NBAS: variants seen among roughly 807,000 people sequenced by gnomAD.
The protein encoded by NBAS is NBAS subunit of NRZ tethering complex.
A neutral mutation model predicts 302.5 loss-of-function variants in NBAS; 219 were observed. That is an observed-to-expected ratio of 0.72 (90% confidence interval 0.65 to 0.81). The LOEUF (loss-of-function observed/expected upper bound fraction) is 0.81. Among genes scored for constraint, NBAS ranks in the 30% least tolerant of loss-of-function variants. The pLI is 0.00. For missense variants in NBAS, 2,932 were observed against 2,841.6 expected, an observed-to-expected ratio of 1.03 and a Z score of -0.72; for synonymous variants, 1,118 against 1,021.6, an observed-to-expected ratio of 1.09 and a Z score of -1.80.
At chr2:15,442,751 A>G (rs374019089) in intron 21 of NBAS, among the ~76,000 whole-genome samples, 1,589 of 151,260 alleles carry the variant, frequency 0.011, 21 homozygotes, top group East Asian at 0.047. Context: ...TTGATAGACC[A>G]CTAGCAAGAC....
At chr2:14,918,198 C>T in the NBAS span, among the ~76,000 whole-genome samples, 5 of 151,266 alleles carry the variant, frequency 3.3e-5, no homozygotes, top group South Asian at 8.4e-4. Context: ...ATTTCTTGTG[C>T]TTTATTTATT....
At position 15,377,061 on chromosome 2, in the gene NBAS, A is replaced by G. The variant is rs1289613571; in HGVS notation, c.3591-2341T>C. ...GGATGACAGAAAAGACAGAAATTGT[A>G]AAAGAACCACAATTTTAAAAAAATT... On this transcript the variant is annotated intron_variant, in intron 30 of 51. Coordinates refer to ENST00000281513, the MANE Select transcript of NBAS (RefSeq NM_015909.4). Among the ~76,000 whole-genome samples the G allele has an allele frequency of 3.3e-5, 5 of 152,224 alleles. No individual in the cohort carries two copies. The East Asian group carries it at 9.6e-4, about 29-fold the overall frequency.
At chr2:15,193,099 ATT>A (rs1665440263) in intron 48 of NBAS, among the ~76,000 whole-genome samples, 1 of 152,164 alleles carries the variant, frequency 6.6e-6, no homozygotes, top group African/African-American at 2.4e-5. Flanking sequence ...TTTAAAATGT[ATT>A]TGATAAATTA....
the NBAS span, among the ~76,000 whole-genome samples, chr2:14,921,886 A>G: frequency 3.9e-5 from 6 of 152,174 alleles, no homozygotes; most frequent in Admixed American, 2.6e-4. Context: ...TGTGACTGCT[A>G]AAAACATCTT....
the NBAS span, among the ~76,000 whole-genome samples, chr2:15,085,918 T>C: frequency 6.6e-6 from 1 of 151,944 alleles, no homozygotes; most frequent in Non-Finnish European, 1.5e-5. Context: ...TTCGGGCAGG[T>C]CAGTGATGGC....
the NBAS span, among the ~76,000 whole-genome samples, chr2:14,844,634 G>A: frequency 6.6e-6 from 1 of 152,162 alleles, no homozygotes; most frequent in Non-Finnish European, 1.5e-5. Flanking sequence ...GTCCTGGAAG[G>A]CATTTTGGTA....
intron 11 of NBAS, among the ~76,000 whole-genome samples, chr2:15,498,817 G>C (rs1338307809): frequency 6.6e-6 from 1 of 151,498 alleles, no homozygotes; most frequent in Non-Finnish European, 1.5e-5. Flanking sequence ...TTCAACTTCC[G>C]CCATGATTGT....
chr2:15,391,259 G>A (rs1478938940), intron 28 of NBAS, among the ~76,000 whole-genome samples: 2 of 151,960 alleles, frequency 1.3e-5, no homozygotes, highest in East Asian at 1.9e-4. Flanking sequence ...AAAAGCAAAC[G>A]ATGGTGTTAG....
At chr2:15,424,592 G>T in intron 22 of NBAS, 124 bp from the exon 23 acceptor site, 1 of 1,127,382 alleles carries the variant, frequency 8.9e-7, no homozygotes. Context: ...ACATGTATGT[G>T]GTTTGTGTAT....
chr2:15,140,838 TG>T, the NBAS span, among the ~76,000 whole-genome samples: 1 of 152,192 alleles, frequency 6.6e-6, no homozygotes, highest in African/African-American at 2.4e-5. Flanking sequence ...TAAATAGGGT[TG>T]TTTTGAGCAT....
At chr2:15,506,405 C>G (rs1286190242) in intron 10 of NBAS, among the ~76,000 whole-genome samples, 1 of 152,086 alleles carries the variant, frequency 6.6e-6, no homozygotes, top group Admixed American at 6.5e-5. Flanking sequence ...GAAAAACTGA[C>G]TAATAACATA....
chr2:15,097,922 TTA>T, the NBAS span, among the ~76,000 whole-genome samples: 3 of 117,796 alleles, frequency 2.5e-5, no homozygotes, highest in Middle Eastern at 3.7e-3. Flanking sequence ...ATATTATATA[TTA>T]TATATATTAC....
the NBAS span, among the ~76,000 whole-genome samples, chr2:15,143,127 T>C: frequency 2.0e-5 from 3 of 152,228 alleles, no homozygotes; most frequent in Non-Finnish European, 2.9e-5. Flanking sequence ...GGAAGCCTAC[T>C]GTTATCATTT....
At chr2:15,451,883 T>C (rs1392224236) in intron 21 of NBAS, among the ~76,000 whole-genome samples, 3 of 152,116 alleles carry the variant, frequency 2.0e-5, no homozygotes, top group Admixed American at 6.5e-5. Flanking sequence ...CTTCATCCTT[T>C]ACAGTTTTGC....
chr2:15,549,077 A>G (rs1664252279), intron 6 of NBAS, among the ~76,000 whole-genome samples: 1 of 152,232 alleles, frequency 6.6e-6, no homozygotes. Flanking sequence ...ACATCTCCTA[A>G]GTATTCATGA....
chr2:15,110,147 A>G, the NBAS span, among the ~76,000 whole-genome samples: 7 of 152,132 alleles, frequency 4.6e-5, no homozygotes, highest in Non-Finnish European at 1.0e-4. Flanking sequence ...AAGGGCTACA[A>G]AGATGAATAC....
the NBAS span, among the ~76,000 whole-genome samples, chr2:14,788,748 T>C: frequency 1.3e-5 from 2 of 152,000 alleles, no homozygotes; most frequent in Non-Finnish European, 2.9e-5. Flanking sequence ...TACTGGGGGG[T>C]GCCTCCCAGT....
At chr2:14,805,759 G>T in the NBAS span, among the ~76,000 whole-genome samples, 1 of 152,052 alleles carries the variant, frequency 6.6e-6, no homozygotes, top group African/African-American at 2.4e-5. Flanking sequence ...TTGTGTCTTA[G>T]CATGCCATTT....
At chr2:15,422,668 G>A (rs1012024885) in intron 23 of NBAS, among the ~76,000 whole-genome samples, 4 of 152,064 alleles carry the variant, frequency 2.6e-5, no homozygotes, top group African/African-American at 9.6e-5. Context: ...ACCAAAAATT[G>A]AGGAATCATT....
Sources: gnomAD v4.1 joint callset for allele counts (sites outside exome capture counted in the v4.1 genomes callset) on GRCh38, gnomAD v4.1.1 for gene constraint, MANE v1.5 for transcripts, NCBI Gene and HGNC (gene_info 2026-07-23, HGNC 2026-07-21) for gene names.